CNTNAP2: variants seen among roughly 807,000 people sequenced by gnomAD.
CNTNAP2 encodes contactin-associated protein-like 2.
In CNTNAP2, 98 loss-of-function variants were observed where a neutral mutation model predicts 155.2. That is an observed-to-expected ratio of 0.63 (90% CI 0.54 to 0.75). CNTNAP2 has a LOEUF of 0.75. Among genes scored for constraint, CNTNAP2 ranks in the 30% least tolerant of loss-of-function variants. CNTNAP2 has a pLI of 0.00. For missense variants in CNTNAP2, 1,727 were observed against 1,688.1 expected, an observed-to-expected ratio of 1.02 and a Z score of -0.40; for synonymous variants, 651 against 631.2, an observed-to-expected ratio of 1.03 and a Z score of -0.47.
At chr7:146,928,313 AT>A (rs1326194949) in intron 3 of CNTNAP2, among the ~76,000 whole-genome samples, 3 of 152,232 alleles carry the variant, frequency 2.0e-5, no homozygotes, top group Non-Finnish European at 2.9e-5. Context: ...ACAGTCTTGC[AT>A]AAAATTGATT....
chr7:146,835,780 T>C (rs1191426408), intron 2 of CNTNAP2, among the ~76,000 whole-genome samples: 1 of 151,980 alleles, frequency 6.6e-6, no homozygotes, highest in African/African-American at 2.4e-5. Flanking sequence ...TGAAAACCTG[T>C]GGAAGAGAAA....
intron 2 of CNTNAP2, among the ~76,000 whole-genome samples, chr7:146,800,697 A>G (rs1350183053): frequency 6.6e-6 from 1 of 152,160 alleles, no homozygotes; most frequent in Non-Finnish European, 1.5e-5. Context: ...CTGGAATATC[A>G]GTTGTAAATG....
chr7:147,084,793 T>C (rs932378154), intron 4 of CNTNAP2, among the ~76,000 whole-genome samples: 1 of 147,558 alleles, frequency 6.8e-6, no homozygotes, highest in African/African-American at 2.5e-5. Context: ...GATGATGTAA[T>C]ACATATAATT....
intron 10 of CNTNAP2, among the ~76,000 whole-genome samples, chr7:147,447,401 A>G (rs769027341): frequency 6.6e-6 from 1 of 152,114 alleles, no homozygotes; most frequent in Non-Finnish European, 1.5e-5. Context: ...AGGTTATAGT[A>G]TTTGGGGTTA....
At chr7:146,193,571 A>C (rs1798737384) in intron 1 of CNTNAP2, among the ~76,000 whole-genome samples, 1 of 152,180 alleles carries the variant, frequency 6.6e-6, no homozygotes, top group African/African-American at 2.4e-5. Flanking sequence ...GAGGGCACCA[A>C]GTCCCTAGGC....
intron 10 of CNTNAP2, among the ~76,000 whole-genome samples, chr7:147,478,645 T>C (rs1457722664): frequency 6.6e-6 from 1 of 152,158 alleles, no homozygotes; most frequent in Non-Finnish European, 1.5e-5. Flanking sequence ...TGGAAGAAGA[T>C]TGGGAAGGAC....
chr7:146,918,036 C>G (rs527531272), intron 3 of CNTNAP2, among the ~76,000 whole-genome samples: 1 of 152,228 alleles, frequency 6.6e-6, no homozygotes, highest in East Asian at 1.9e-4. Flanking sequence ...GCATGAAATA[C>G]CTTTTTCCAC....
At chr7:147,508,193 G>A (rs1181461465) in intron 11 of CNTNAP2, among the ~76,000 whole-genome samples, 1 of 152,150 alleles carries the variant, frequency 6.6e-6, no homozygotes, top group Non-Finnish European at 1.5e-5. Context: ...AATGAATGAT[G>A]TCTCTAGATC....
At chr7:148,135,147 T>C (rs1243094387) in intron 16 of CNTNAP2, among the ~76,000 whole-genome samples, 1 of 152,170 alleles carries the variant, frequency 6.6e-6, no homozygotes. Context: ...AACCCAAAAA[T>C]AGCTATTGTT....
In CNTNAP2 at chr7:146,664,157, C is replaced by A. The variant is rs1189161131; in HGVS notation, c.98-110114C>A. ...CTTAGTTTGTTGTTACAATAAATTC[C>A]TTTTTTTTTTTTTTTTTTTTTTTTG... On this transcript the variant is annotated intron_variant, in intron 1 of 23. Coordinates refer to ENST00000361727, the MANE Select transcript of CNTNAP2 (RefSeq NM_014141.6). 5.8e-5 allele frequency among the ~76,000 whole-genome samples: 4 copies of A among 68,456 alleles called. No individual in the cohort carries two copies. In the Admixed American group the frequency reaches 7.5e-4, roughly 13 times the overall value. 44.9% of individuals were successfully genotyped at this position (68,456 alleles called of 152,430 possible).
At chr7:147,804,545 T>TG (rs892942889) in intron 13 of CNTNAP2, among the ~76,000 whole-genome samples, 1 of 131,238 alleles carries the variant, frequency 7.6e-6, no homozygotes. Flanking sequence ...CTTCAGTTTT[T>TG]GTTTTTTTGT....
chr7:146,900,345 C>T (rs373534182), intron 3 of CNTNAP2, among the ~76,000 whole-genome samples: 67 of 152,246 alleles, frequency 4.4e-4, no homozygotes, highest in Middle Eastern at 3.4e-3. Flanking sequence ...TCAAATTACT[C>T]GAATAATTTT....
chr7:146,732,172 C>T (rs1344173753), intron 1 of CNTNAP2, among the ~76,000 whole-genome samples: 1 of 152,096 alleles, frequency 6.6e-6, no homozygotes, highest in East Asian at 1.9e-4. Flanking sequence ...GTAGAAGCTA[C>T]TTAAAATTTG....
intron 2 of CNTNAP2, among the ~76,000 whole-genome samples, chr7:146,814,745 G>C (rs1210386126): frequency 6.6e-6 from 1 of 151,858 alleles, no homozygotes; most frequent in Non-Finnish European, 1.5e-5. Flanking sequence ...CATTAACTTT[G>C]ATACCCCAAA....
chr7:146,293,020 G>A (rs550995606), intron 1 of CNTNAP2, among the ~76,000 whole-genome samples: 1 of 151,812 alleles, frequency 6.6e-6, no homozygotes, highest in Non-Finnish European at 1.5e-5. Context: ...ACAAAATATG[G>A]TATTTAAGAT....
At chr7:147,508,441 T>G (rs964958924) in intron 11 of CNTNAP2, among the ~76,000 whole-genome samples, 14 of 152,220 alleles carry the variant, frequency 9.2e-5, no homozygotes, top group Admixed American at 7.9e-4. Context: ...CTTCAGGTCA[T>G]ACTTCAACAC....
rs1482290874 is a variant in CNTNAP2 at position 147,872,701 on chromosome 7, G to A, written c.2099-30864G>A. On this transcript the variant is annotated intron_variant, in intron 13 of 23. Coordinates refer to ENST00000361727, the MANE Select transcript of CNTNAP2 (RefSeq NM_014141.6). ...TATGAAGCTTTTGACTTAAGAATTA[G>A]AAAAAAAACCTTTATCCAACAAACA... Among the ~76,000 whole-genome samples the A allele has an allele frequency of 2.6e-5, 4 of 151,960 alleles. No individual in the cohort carries two copies. In the South Asian group the frequency reaches 8.3e-4, roughly 32 times the overall value.
intron 11 of CNTNAP2, among the ~76,000 whole-genome samples, chr7:147,545,150 T>C (rs1489865740): frequency 6.6e-6 from 1 of 152,172 alleles, no homozygotes; most frequent in Non-Finnish European, 1.5e-5. Context: ...GGATTTACTT[T>C]TTCTTAAATT....
chr7:146,566,976 T>C (rs1478589706), intron 1 of CNTNAP2, among the ~76,000 whole-genome samples: 1 of 152,212 alleles, frequency 6.6e-6, no homozygotes, highest in Non-Finnish European at 1.5e-5. Flanking sequence ...TTATGGCTTC[T>C]ACTTTCATAG....
Sources: gnomAD v4.1 joint callset for allele counts (sites outside exome capture counted in the v4.1 genomes callset) on GRCh38, gnomAD v4.1.1 for gene constraint, MANE v1.5 for transcripts, NCBI Gene and HGNC (gene_info 2026-07-23, HGNC 2026-07-21) for gene names.